Variants in NTNG1 observed in about 807,000 individuals in gnomAD.
NTNG1 encodes the protein netrin-G1.
Under a neutral mutation model 54.0 loss-of-function variants are expected in NTNG1, and 16 were observed. The observed-to-expected ratio is 0.30, with a 90% CI of 0.20 to 0.45. The LOEUF is 0.45. NTNG1 is among the 20% of genes least tolerant of loss of function. The probability of loss-of-function intolerance (pLI) is 1.00; values close to 1 mark genes in which losing one functional copy is unlikely to be tolerated. For synonymous variants in NTNG1, 255 were observed against 263.1 expected, an observed-to-expected ratio of 0.97 and a Z score of 0.30; for missense variants, 530 against 678.7, an observed-to-expected ratio of 0.78 and a Z score of 2.43.
At chr1:107,277,729 A>G (rs1267240747) in intron 2 of NTNG1, among the ~76,000 whole-genome samples, 8 of 152,210 alleles carry the variant, frequency 5.3e-5, no homozygotes, top group Admixed American at 1.3e-4. Context: ...GAAGAATCAC[A>G]TTTGACAAAT....
At chr1:107,167,671 T>C (rs1399041572) in intron 2 of NTNG1, among the ~76,000 whole-genome samples, 1 of 151,978 alleles carries the variant, frequency 6.6e-6, no homozygotes, top group Non-Finnish European at 1.5e-5. Context: ...ATTAAGGTGA[T>C]AATAATTAAT....
chr1:107,166,964 A>G (rs1320181172), intron 2 of NTNG1, among the ~76,000 whole-genome samples: 1 of 152,146 alleles, frequency 6.6e-6, no homozygotes, highest in Non-Finnish European at 1.5e-5. Context: ...GATCACAATG[A>G]CACAGAGTTC....
chr1:107,271,735 T>G (rs1664157131), intron 2 of NTNG1, among the ~76,000 whole-genome samples: 1 of 152,160 alleles, frequency 6.6e-6, no homozygotes, highest in Non-Finnish European at 1.5e-5. Context: ...TTTCCCCATC[T>G]TTAGGTGAAA....
At chr1:107,357,949 T>C (rs1247293130) in intron 3 of NTNG1, among the ~76,000 whole-genome samples, 1 of 152,216 alleles carries the variant, frequency 6.6e-6, no homozygotes, top group Non-Finnish European at 1.5e-5. Context: ...GTGGAATTTA[T>C]AGCATTATAT....
chr1:107,362,702 T>C (rs867681780), intron 3 of NTNG1, among the ~76,000 whole-genome samples: 1 of 152,016 alleles, frequency 6.6e-6, no homozygotes, highest in Non-Finnish European at 1.5e-5. Context: ...AAATCCAGAG[T>C]TGCTGTGAAA....
intron 2 of NTNG1, among the ~76,000 whole-genome samples, chr1:107,183,622 TTTG>T (rs1388120493): frequency 6.6e-6 from 1 of 152,134 alleles, no homozygotes; most frequent in Admixed American, 6.5e-5. Context: ...AGCTTTTGTT[TTTG>T]TTAATGTCAC....
chr1:107,258,238 A>G (rs1040114137), intron 2 of NTNG1, among the ~76,000 whole-genome samples: 1 of 149,456 alleles, frequency 6.7e-6, no homozygotes, highest in East Asian at 2.0e-4. Flanking sequence ...AAGTGTTGTA[A>G]TGGCTCTAAG....
intron 1 of NTNG1, among the ~76,000 whole-genome samples, chr1:107,147,504 T>C (rs1654215127): frequency 6.6e-6 from 1 of 152,036 alleles, no homozygotes; most frequent in Non-Finnish European, 1.5e-5. Flanking sequence ...TATTACTAAA[T>C]GCAACTAAAC....
intron 6 of NTNG1, among the ~76,000 whole-genome samples, chr1:107,433,591 C>T (rs1414227576): frequency 6.6e-6 from 1 of 152,116 alleles, no homozygotes; most frequent in Non-Finnish European, 1.5e-5. Flanking sequence ...CTAGATTGTT[C>T]CCTCACCCAC....
At chr1:107,299,537 A>C (rs1008416785) in intron 2 of NTNG1, among the ~76,000 whole-genome samples, 21 of 152,208 alleles carry the variant, frequency 1.4e-4, no homozygotes, top group Admixed American at 5.2e-4. Context: ...TATTTCTTAA[A>C]TGGACCCTGT....
intron 3 of NTNG1, among the ~76,000 whole-genome samples, chr1:107,345,960 TC>T (rs553593661): frequency 2.6e-5 from 4 of 152,088 alleles, no homozygotes; most frequent in Non-Finnish European, 4.4e-5. Context: ...GGGATTTCCT[TC>T]AGGCCCTAAT....
chr1:107,158,294 T>C (rs780809232), intron 2 of NTNG1, among the ~76,000 whole-genome samples: 2 of 152,280 alleles, frequency 1.3e-5, no homozygotes, highest in South Asian at 2.1e-4. Flanking sequence ...AAGCATAAGA[T>C]TGGAAAAAAC....
chr1:107,168,009 T>C (rs1655936823), intron 2 of NTNG1, among the ~76,000 whole-genome samples: 1 of 152,094 alleles, frequency 6.6e-6, no homozygotes, highest in African/African-American at 2.4e-5. Context: ...ATTGACAAAT[T>C]GATACCAGAA....
chr1:107,148,972 T>C, intron 2 of NTNG1, 133 bp downstream of exon 2: 2 of 880,474 alleles, frequency 2.3e-6, no homozygotes, highest in African/African-American at 1.7e-5. Context: ...GTTAACAGGC[T>C]AGTTTCTTTC....
At chr1:107,456,071 TG>T in intron 7 of NTNG1, among the ~76,000 whole-genome samples, 1 of 152,214 alleles carries the variant, frequency 6.6e-6, no homozygotes, top group Non-Finnish European at 1.5e-5. Flanking sequence ...CCTATGATGA[TG>T]GGAGGCAGGT....
intron 2 of NTNG1, among the ~76,000 whole-genome samples, chr1:107,177,704 T>C (rs1184822977): frequency 1.3e-5 from 2 of 152,210 alleles, no homozygotes; most frequent in Non-Finnish European, 2.9e-5. Context: ...TAGATATGTC[T>C]ATACTTTTGT....
intron 2 of NTNG1, among the ~76,000 whole-genome samples, chr1:107,299,883 C>G (rs550565363): frequency 2.6e-5 from 4 of 152,180 alleles, no homozygotes; most frequent in Non-Finnish European, 5.9e-5. Context: ...GACACACACA[C>G]TTCCCATTAT....
chr1:107,456,635 T>C (rs114743691), intron 7 of NTNG1, among the ~76,000 whole-genome samples: 218 of 152,338 alleles, frequency 1.4e-3, no homozygotes, highest in African/African-American at 5.0e-3. Context: ...ACACTACATC[T>C]TATTTAATCC....
chr1:107,176,613 G>A (rs1656671441), intron 2 of NTNG1, among the ~76,000 whole-genome samples: 1 of 152,152 alleles, frequency 6.6e-6, no homozygotes, highest in African/African-American at 2.4e-5. Context: ...TTTTGAAAAT[G>A]TTCAGGTTGA....
Sources: gnomAD v4.1 joint callset for allele counts (sites outside exome capture counted in the v4.1 genomes callset) on GRCh38, gnomAD v4.1.1 for gene constraint, MANE v1.5 for transcripts, NCBI Gene and HGNC (gene_info 2026-07-23, HGNC 2026-07-21) for gene names.